Variants in DCC observed in about 807,000 individuals in gnomAD.
DCC encodes DCC netrin 1 receptor.
In DCC, 58 loss-of-function variants were observed where a neutral mutation model predicts 172.5. That is an observed-to-expected ratio of 0.34 (90% CI 0.27 to 0.42). The LOEUF is 0.42. DCC is among the 10% of genes least tolerant of loss of function. The probability of loss-of-function intolerance (pLI) is 1.00; values close to 1 mark genes in which losing one functional copy is unlikely to be tolerated. For synonymous variants in DCC, 709 were observed against 644.5 expected, an observed-to-expected ratio of 1.10 and a Z score of -1.52; for missense variants, 1,740 against 1,791.0, an observed-to-expected ratio of 0.97 and a Z score of 0.51.
intron 19 of DCC, among the ~76,000 whole-genome samples, chr18:53,404,547 C>A (rs1033725008): frequency 6.6e-6 from 1 of 151,636 alleles, no homozygotes; most frequent in African/African-American, 2.4e-5. Flanking sequence ...CTGGCTAACA[C>A]GGTGAAACCC....
chr18:52,587,464 T>C (rs2033701052), intron 1 of DCC, among the ~76,000 whole-genome samples: 1 of 152,226 alleles, frequency 6.6e-6, no homozygotes, highest in Non-Finnish European at 1.5e-5. Context: ...GGGATACAAA[T>C]ATCTTCATGG....
chr18:53,349,211 C>A (rs1338531560), intron 15 of DCC, among the ~76,000 whole-genome samples: 1 of 152,172 alleles, frequency 6.6e-6, no homozygotes, highest in African/African-American at 2.4e-5. Flanking sequence ...TTCCACAGAT[C>A]TCTAGGGCAG....
rs1036844754 is a variant in DCC, at chr18:53,532,834, AAAC to A, written c.*2182_*2184del. ...AGTTGACCAATTAAAAAAAAAAAAAAAACCTATCATTTTCACAAATTTCTAGAT... is the reference window on the plus strand; with the variant it reads ...AGTTGACCAATTAAAAAAAAAAAAAACTATCATTTTCACAAATTTCTAGAT... On this transcript the variant is annotated 3_prime_UTR_variant, in exon 29 of 29. Transcript: ENST00000442544. The A allele has an allele frequency of 3.3e-5, 5 of 152,030 alleles. No individual in the cohort carries two copies. Among genetic ancestry groups the A allele is most frequent in the Admixed American group, 6.6e-5 (1 of 15,266 alleles). The allele number at this position is 152,030 out of a possible 1,614,324, so 9.4% of individuals were successfully genotyped here.
At chr18:53,454,128 G>A (rs890449743) in intron 23 of DCC, among the ~76,000 whole-genome samples, 1 of 152,162 alleles carries the variant, frequency 6.6e-6, no homozygotes, top group African/African-American at 2.4e-5. Context: ...CATGAGGATG[G>A]CTTGAGACCA....
chr18:52,853,503 G>T (rs1307260400), intron 2 of DCC, among the ~76,000 whole-genome samples: 1 of 152,182 alleles, frequency 6.6e-6, no homozygotes, highest in Non-Finnish European at 1.5e-5. Context: ...AAAACCAGAT[G>T]TTCTGATTTC....
rs778276067 is a variant in DCC, at chr18:52,340,747, C to G, written c.-41C>G. 3.3e-6 allele frequency: 5 copies of G among 1,494,646 alleles called. No homozygotes were observed. The highest frequency in any genetic ancestry group is 3.3e-5 in the Admixed American group (2 of 59,826). 92.6% of individuals were successfully genotyped at this position (1,494,646 alleles called of 1,614,324 possible). A position where few individuals can be genotyped will look rare whatever the true frequency, so the allele number is the denominator to read the frequency against. Reference sequence around the variant, plus strand: ...GTGAGTGCATGTGTGTGAGTGCTGCCGCTGCCCGCGACCCCTGGCCCCGAA... The same window carrying G: ...GTGAGTGCATGTGTGTGAGTGCTGCGGCTGCCCGCGACCCCTGGCCCCGAA... On this transcript the variant is annotated 5_prime_UTR_variant, in exon 1 of 29. Coordinates refer to ENST00000442544, the MANE Select transcript of DCC (RefSeq NM_005215.4).
intron 1 of DCC, among the ~76,000 whole-genome samples, chr18:52,740,996 A>G (rs1490621187): frequency 6.6e-6 from 1 of 152,192 alleles, no homozygotes; most frequent in African/African-American, 2.4e-5. Context: ...ATTGATTCCC[A>G]GTGGTGTAGC....
intron 1 of DCC, among the ~76,000 whole-genome samples, chr18:52,706,441 T>C: frequency 6.6e-6 from 1 of 152,244 alleles, no homozygotes; most frequent in African/African-American, 2.4e-5. Context: ...CAAGTGTAAC[T>C]AGGTTTCTCT....
intron 18 of DCC, among the ~76,000 whole-genome samples, chr18:53,401,937 C>A (rs1347819361): frequency 6.6e-6 from 1 of 152,122 alleles, no homozygotes; most frequent in Non-Finnish European, 1.5e-5. Flanking sequence ...AGCAGGACTT[C>A]GTGCCATCTT....
intron 7 of DCC, among the ~76,000 whole-genome samples, chr18:53,127,326 G>T (rs183067350): frequency 9.2e-5 from 14 of 151,756 alleles, no homozygotes; most frequent in African/African-American, 3.1e-4. Context: ...ATTCTTAATG[G>T]TCATCAGGAT....
At chr18:53,149,914 T>C (rs1326094565) in intron 7 of DCC, among the ~76,000 whole-genome samples, 3 of 152,218 alleles carry the variant, frequency 2.0e-5, no homozygotes, top group African/African-American at 7.2e-5. Context: ...AATCACACTT[T>C]CTATAACAGA....
At chr18:53,509,428 G>A (rs1337639243) in intron 27 of DCC, among the ~76,000 whole-genome samples, 3 of 152,224 alleles carry the variant, frequency 2.0e-5, no homozygotes, top group African/African-American at 4.8e-5. Context: ...GGAATCACCT[G>A]CAGACATTAT....
intron 7 of DCC, among the ~76,000 whole-genome samples, chr18:53,112,685 T>A (rs1438229495): frequency 1.3e-5 from 2 of 151,558 alleles, no homozygotes; most frequent in African/African-American, 4.8e-5. Flanking sequence ...CTTAAAAGGA[T>A]GGGAAGAAAA....
chr18:53,517,371 C>T (rs1427020705), intron 27 of DCC, among the ~76,000 whole-genome samples: 9 of 151,518 alleles, frequency 5.9e-5, no homozygotes, highest in East Asian at 1.9e-4. Flanking sequence ...GTGGGTGCAG[C>T]GCACCAGCAT....
intron 2 of DCC, among the ~76,000 whole-genome samples, chr18:52,895,034 G>C (rs558813743): frequency 1.1e-4 from 16 of 152,314 alleles, no homozygotes; most frequent in African/African-American, 3.8e-4. Flanking sequence ...TTCTCATTAA[G>C]TAATGCAGTC....
At chr18:52,701,007 C>T (rs2036115203) in intron 1 of DCC, among the ~76,000 whole-genome samples, 1 of 152,136 alleles carries the variant, frequency 6.6e-6, no homozygotes, top group African/African-American at 2.4e-5. Flanking sequence ...TTCCATTGGC[C>T]ATGGTGGATT....
chr18:53,097,838 C>G (rs1036352440), intron 7 of DCC, among the ~76,000 whole-genome samples: 2 of 152,098 alleles, frequency 1.3e-5, no homozygotes, highest in Non-Finnish European at 2.9e-5. Context: ...GATTTGATGT[C>G]TCTTCCTCAT....
chr18:52,340,654 G>GAAGA lies in DCC; in HGVS notation c.-133_-130dup, dbSNP rs1983585200. 2.6e-6 allele frequency: 2 copies of GAAGA among 774,366 alleles called. No homozygotes were observed. Among genetic ancestry groups the GAAGA allele is most frequent in the African/African-American group, 3.4e-5 (2 of 59,064 alleles). 48.0% of individuals were successfully genotyped at this position (774,366 alleles called of 1,614,324 possible). ...AGGGGAGGTGGAGAAAGAGGTGGAG[G>GAAGA]AAGAGGACGAGGAGGAGGAGGAAGC... On this transcript the variant is annotated 5_prime_UTR_variant, in exon 1 of 29. Transcript: ENST00000442544.
At chr18:52,873,486 T>C (rs1307842266) in intron 2 of DCC, among the ~76,000 whole-genome samples, 2 of 152,252 alleles carry the variant, frequency 1.3e-5, no homozygotes, top group South Asian at 4.1e-4. Flanking sequence ...GGATTATAGC[T>C]TTAGCATATA....
Sources: allele counts gnomAD v4.1 joint callset (sites outside exome capture counted in the v4.1 genomes callset), GRCh38; gene constraint gnomAD v4.1.1; transcripts MANE v1.5; gene names NCBI Gene and HGNC (gene_info 2026-07-23, HGNC 2026-07-21).